The following OSBPL9 variants were observed in gnomAD, a reference collection of about 807,000 sequenced individuals.
OSBPL9 encodes oxysterol binding protein like 9.
A neutral mutation model predicts 106.6 loss-of-function variants in OSBPL9; 40 were observed. The observed-to-expected ratio is 0.38, with a 90% confidence interval of 0.29 to 0.49. The LOEUF (loss-of-function observed/expected upper bound fraction) is 0.49. OSBPL9 is among the 20% of genes least tolerant of loss of function. OSBPL9 has a pLI of 0.97. For synonymous variants in OSBPL9, 269 were observed against 295.4 expected (o/e 0.91, Z 0.92); for missense variants, 609 against 887.2 (o/e 0.69, Z 3.98).
At chr1:51,597,809 G>A (rs528353949) in intron 1 of OSBPL9, among the ~76,000 whole-genome samples, 2 of 152,282 alleles carry the variant, frequency 1.3e-5, no homozygotes, top group Admixed American at 1.3e-4. Context: ...TCTCTTAAAG[G>A]GAGTGTCAAA....
intron 2 of OSBPL9, among the ~76,000 whole-genome samples, chr1:51,607,262 A>G (rs1643955622): frequency 6.6e-6 from 1 of 150,764 alleles, no homozygotes; most frequent in Non-Finnish European, 1.5e-5. Context: ...CCTGGATTCA[A>G]GTGATTCTCC....
chr1:51,560,104 A>C, the OSBPL9 span, among the ~76,000 whole-genome samples: 1 of 152,182 alleles, frequency 6.6e-6, no homozygotes, highest in Non-Finnish European at 1.5e-5. Flanking sequence ...TAAACAAACT[A>C]AGAAAGCTTC....
chr1:51,546,607 G>GA, the OSBPL9 span, among the ~76,000 whole-genome samples: 1 of 151,750 alleles, frequency 6.6e-6, no homozygotes, highest in African/African-American at 2.4e-5. Context: ...TGAGACAGGA[G>GA]AATGGCATGA....
At chr1:51,570,325 G>T in the OSBPL9 span, among the ~76,000 whole-genome samples, 1 of 152,106 alleles carries the variant, frequency 6.6e-6, no homozygotes, top group Non-Finnish European at 1.5e-5. Context: ...CATGAAGTGG[G>T]TTCTCCTAAT....
chr1:51,774,815 T>A (rs1404329574), intron 14 of OSBPL9, among the ~76,000 whole-genome samples: 1 of 152,086 alleles, frequency 6.6e-6, no homozygotes, highest in African/African-American at 2.4e-5. Flanking sequence ...ACTACAAACA[T>A]TGAAGAAAAT....
At chr1:51,679,864 T>C (rs939273662) in intron 3 of OSBPL9, among the ~76,000 whole-genome samples, 1 of 152,212 alleles carries the variant, frequency 6.6e-6, no homozygotes, top group African/African-American at 2.4e-5. Context: ...TTATTAGTTG[T>C]TAATCTTACT....
At chr1:51,519,112 C>T in the OSBPL9 span, 2 of 950,562 alleles carry the variant, frequency 2.1e-6, no homozygotes, top group Non-Finnish European at 3.0e-6. Flanking sequence ...CCTGCTTGGC[C>T]CACAAGCCAA....
At chr1:51,656,669 C>T (rs1194089135) in intron 2 of OSBPL9, among the ~76,000 whole-genome samples, 3 of 146,884 alleles carry the variant, frequency 2.0e-5, no homozygotes, top group Non-Finnish European at 1.5e-5. Flanking sequence ...CCTCGCTCTC[C>T]CCCCAACTTT....
At chr1:51,552,802 T>C in the OSBPL9 span, among the ~76,000 whole-genome samples, 1 of 151,966 alleles carries the variant, frequency 6.6e-6, no homozygotes, top group Non-Finnish European at 1.5e-5. Flanking sequence ...TTTTTTTATT[T>C]TTAGTAGAGG....
At chr1:51,682,795 A>G (rs1045878250) in intron 3 of OSBPL9, among the ~76,000 whole-genome samples, 4 of 152,060 alleles carry the variant, frequency 2.6e-5, no homozygotes, top group Admixed American at 2.0e-4. Context: ...ATATATACAC[A>G]ATGGAATACT....
chr1:51,577,321 C>CTTTTTTTT (rs762583157), intron 1 of OSBPL9: 2 of 129,890 alleles, frequency 1.5e-5, no homozygotes, highest in Non-Finnish European at 1.7e-5. Flanking sequence ...TTTTTCTTTT[C>CTTTTTTTT]TTTTTTTTTT....
rs1409836209 is a variant in OSBPL9 at position 51,719,787 on chromosome 1, A to G, written c.318+5708A>G. Among the ~76,000 whole-genome samples, 4 of 152,368 alleles carry G rather than the reference A, an allele frequency of 2.6e-5. No homozygotes were observed. In the South Asian group the frequency reaches 6.2e-4, roughly 24 times the overall value. On this transcript the variant is annotated intron_variant, in intron 4 of 23. Coordinates refer to ENST00000428468, the MANE Select transcript of OSBPL9 (RefSeq NM_024586.6). ...GGTTTAAAATCTTATAGAACTATAC[A>G]TCCAAAAGAAAATTTCAAGTTAAAC...
chr1:51,562,745 A>C, the OSBPL9 span, among the ~76,000 whole-genome samples: 1 of 152,318 alleles, frequency 6.6e-6, no homozygotes, highest in Non-Finnish European at 1.5e-5. Flanking sequence ...AGAGAATATC[A>C]TCTGAGTATC....
At chr1:51,575,203 T>G (rs1293294251), upstream of OSBPL9, among the ~76,000 whole-genome samples, 1 of 152,060 alleles carries the variant, frequency 6.6e-6, no homozygotes, top group Non-Finnish European at 1.5e-5. Context: ...GTTTTGTTTG[T>G]TTGTTTCATT....
intron 3 of OSBPL9, among the ~76,000 whole-genome samples, chr1:51,688,950 T>C (rs1654391840): frequency 6.6e-6 from 1 of 152,196 alleles, no homozygotes; most frequent in African/African-American, 2.4e-5. Context: ...TGCTAGTTCT[T>C]TGCCCTGAGC....
the OSBPL9 span, among the ~76,000 whole-genome samples, chr1:51,539,870 C>G: frequency 2.6e-5 from 4 of 152,178 alleles, no homozygotes; most frequent in African/African-American, 4.8e-5. Context: ...AACTAAATTC[C>G]CAACTCCTTA....
intron 1 of OSBPL9, among the ~76,000 whole-genome samples, chr1:51,590,755 A>ATT (rs537388989): frequency 6.6e-6 from 1 of 150,482 alleles, no homozygotes; most frequent in Non-Finnish European, 1.5e-5. Flanking sequence ...ATGATTCTTA[A>ATT]TTTTTTTTTT....
chr1:51,574,767 G>T (rs551100518), upstream of OSBPL9, among the ~76,000 whole-genome samples: 129 of 152,318 alleles, frequency 8.5e-4, no homozygotes, highest in Admixed American at 1.6e-3. Context: ...ACATATTTAT[G>T]TTTAGTAAAA....
chr1:51,672,675 T>C (rs900114005), intron 3 of OSBPL9, among the ~76,000 whole-genome samples: 2 of 152,228 alleles, frequency 1.3e-5, no homozygotes, highest in African/African-American at 4.8e-5. Flanking sequence ...TAATAGTTCC[T>C]TTTATATTGC....
Sources: allele counts gnomAD v4.1 joint callset (sites outside exome capture counted in the v4.1 genomes callset), GRCh38; gene constraint gnomAD v4.1.1; transcripts MANE v1.5; gene names NCBI Gene and HGNC (gene_info 2026-07-23, HGNC 2026-07-21).